Variants in NCKAP5 observed in about 807,000 individuals in gnomAD.
NCKAP5 encodes the protein NCK associated protein 5, also known as nck-associated protein 5.
NCKAP5 carries 92 observed loss-of-function variants against 167.0 expected under a neutral mutation model. That is an observed-to-expected ratio of 0.55 (90% CI 0.47 to 0.66). The LOEUF is 0.66. Ranked by LOEUF, NCKAP5 falls within the 30% of genes least tolerant of loss-of-function variation. NCKAP5 has a pLI of 0.00. For missense variants in NCKAP5, 2,378 were observed against 2,315.0 expected, an observed-to-expected ratio of 1.03 and a Z score of -0.56; for synonymous variants, 891 against 877.4, an observed-to-expected ratio of 1.02 and a Z score of -0.27.
chr2:133,210,553 G>T (rs1335912559), intron 5 of NCKAP5, among the ~76,000 whole-genome samples: 2 of 152,062 alleles, frequency 1.3e-5, no homozygotes, highest in Non-Finnish European at 2.9e-5. Flanking sequence ...CAAAAGTTCT[G>T]TGAAACAAAC....
At chr2:133,407,870 C>T (rs944532399) in intron 3 of NCKAP5, among the ~76,000 whole-genome samples, 9 of 152,154 alleles carry the variant, frequency 5.9e-5, no homozygotes, top group Admixed American at 5.9e-4. Context: ...GGAAGGAGGT[C>T]GATAAAGGGG....
chr2:133,427,201 T>C (rs373046098), intron 3 of NCKAP5, among the ~76,000 whole-genome samples: 2 of 152,236 alleles, frequency 1.3e-5, no homozygotes, highest in East Asian at 3.9e-4. Flanking sequence ...GGAGCAAACA[T>C]AAAAGCATAC....
intron 2 of NCKAP5, among the ~76,000 whole-genome samples, chr2:133,535,539 TTTTC>T (rs1449351992): frequency 6.6e-6 from 1 of 152,148 alleles, no homozygotes; most frequent in East Asian, 1.9e-4. Flanking sequence ...ATATAGAATA[TTTTC>T]TTTATTAAAT....
chr2:133,563,357 T>C (rs1688304606), intron 1 of NCKAP5, among the ~76,000 whole-genome samples: 1 of 151,746 alleles, frequency 6.6e-6, no homozygotes, highest in Non-Finnish European at 1.5e-5. Flanking sequence ...GATCACGAGG[T>C]CAGGCTATTG....
At chr2:133,527,199 C>A (rs1684995065) in intron 2 of NCKAP5, 1 of 152,224 alleles carries the variant, frequency 6.6e-6, no homozygotes, top group South Asian at 2.1e-4. Context: ...AGAGACAACA[C>A]AACTTGTTAA....
intron 6 of NCKAP5, among the ~76,000 whole-genome samples, chr2:133,128,046 A>G (rs2082460331): frequency 6.6e-6 from 1 of 152,170 alleles, no homozygotes; most frequent in African/African-American, 2.4e-5. Context: ...TGAAGCACAT[A>G]CACAGTATTG....
intron 16 of NCKAP5, among the ~76,000 whole-genome samples, chr2:132,769,600 T>C (rs1309280462): frequency 6.6e-6 from 1 of 152,138 alleles, no homozygotes; most frequent in Non-Finnish European, 1.5e-5. Flanking sequence ...AGTCTTAAAA[T>C]GGAGGGACTT....
chr2:133,395,038 T>C (rs7572861), intron 3 of NCKAP5, among the ~76,000 whole-genome samples: 124,391 of 152,268 alleles, frequency 0.82, 51,392 homozygotes, highest in African/African-American at 0.94. Flanking sequence ...ATGTTAGCTA[T>C]TATCATCATT....
chr2:133,470,304 C>T (rs1408941885), intron 3 of NCKAP5, among the ~76,000 whole-genome samples: 1 of 152,022 alleles, frequency 6.6e-6, no homozygotes, highest in East Asian at 1.9e-4. Flanking sequence ...CTGGGGGGTG[C>T]CTCCCAGTTA....
At chr2:133,606,390 T>C in the NCKAP5 span, among the ~76,000 whole-genome samples, 1 of 152,202 alleles carries the variant, frequency 6.6e-6, no homozygotes, top group African/African-American at 2.4e-5. Context: ...TGAAATTGTT[T>C]TTCATCAAAA....
At chr2:132,725,543 T>G in intron 19 of NCKAP5, 84 bp downstream of exon 19, 2 of 1,447,792 alleles carry the variant, frequency 1.4e-6, no homozygotes, top group Non-Finnish European at 9.2e-7. Context: ...TCAAAGAGGG[T>G]GGGGGCCGAG....
chr2:133,585,671 A>C, the NCKAP5 span, among the ~76,000 whole-genome samples: 1 of 152,260 alleles, frequency 6.6e-6, no homozygotes, highest in Non-Finnish European at 1.5e-5. Context: ...GACATGTGTC[A>C]GTCACTTTAC....
intron 11 of NCKAP5, among the ~76,000 whole-genome samples, chr2:132,804,183 G>A (rs929960145): frequency 2.0e-5 from 3 of 152,186 alleles, no homozygotes; most frequent in East Asian, 1.9e-4. Flanking sequence ...CCAGTCAGAC[G>A]TGTGGGCAGG....
At chr2:133,272,538 C>T (rs1191294536) in intron 4 of NCKAP5, among the ~76,000 whole-genome samples, 1 of 151,990 alleles carries the variant, frequency 6.6e-6, no homozygotes, top group Admixed American at 6.5e-5. Flanking sequence ...TAGATTGAAT[C>T]AGTAGTTGAA....
At chr2:132,823,603 A>G (rs1306213131) in intron 11 of NCKAP5, among the ~76,000 whole-genome samples, 6 of 152,182 alleles carry the variant, frequency 3.9e-5, no homozygotes, top group Non-Finnish European at 5.9e-5. Flanking sequence ...AACTCCCTTA[A>G]AGCATAAATC....
chr2:132,688,167 G>A (rs2105104563), intron 19 of NCKAP5, among the ~76,000 whole-genome samples: 1 of 152,246 alleles, frequency 6.6e-6, no homozygotes, highest in Middle Eastern at 3.4e-3. Flanking sequence ...AAGATAAGAT[G>A]AAGAAAAAGC....
chr2:133,531,775 C>G (rs1022045223), intron 2 of NCKAP5, among the ~76,000 whole-genome samples: 5 of 152,090 alleles, frequency 3.3e-5, no homozygotes, highest in Admixed American at 6.5e-5. Context: ...TAAAATGTTT[C>G]ATTTTTAAAA....
At chr2:133,180,753 A>G (rs2084695508) in intron 5 of NCKAP5, among the ~76,000 whole-genome samples, 1 of 152,208 alleles carries the variant, frequency 6.6e-6, no homozygotes, top group Non-Finnish European at 1.5e-5. Flanking sequence ...CTAGAAGAAA[A>G]TATAGGGGAA....
At chr2:133,189,878 C>G (rs1383588489) in intron 5 of NCKAP5, among the ~76,000 whole-genome samples, 5 of 152,134 alleles carry the variant, frequency 3.3e-5, no homozygotes, top group Non-Finnish European at 4.4e-5. Flanking sequence ...CAGGGATGCC[C>G]TCTCTCACCA....
Sources: allele counts gnomAD v4.1 joint callset (sites outside exome capture counted in the v4.1 genomes callset), GRCh38; gene constraint gnomAD v4.1.1; transcripts MANE v1.5; gene names NCBI Gene and HGNC (gene_info 2026-07-23, HGNC 2026-07-21).